The following RBFOX1 variants were observed in gnomAD, a reference collection of about 807,000 sequenced individuals.
RBFOX1 encodes the protein RNA binding protein fox-1 homolog 1.
In RBFOX1, 8 loss-of-function variants were observed where a neutral mutation model predicts 57.7. The ratio of observed to expected loss-of-function variants is 0.14; its 90% CI spans 0.08 to 0.25. The LOEUF is 0.25. Ranked by LOEUF, RBFOX1 falls within the 10% of genes least tolerant of loss-of-function variation. RBFOX1 has a pLI of 1.00. For missense variants in RBFOX1, 611 were observed against 548.5 expected, an observed-to-expected ratio of 1.11 and a Z score of -1.14; for synonymous variants, 326 against 222.4, an observed-to-expected ratio of 1.47 and a Z score of -4.15.
At position 6,954,128 on chromosome 16, in the gene RBFOX1, G is replaced by A. The variant is rs185820274; in HGVS notation, c.-15-97929G>A. Among the ~76,000 whole-genome samples, 288 of 152,250 alleles carry A rather than the reference G, an allele frequency of 1.9e-3. 2 individuals are homozygous for A. Among genetic ancestry groups the A allele is most frequent in the African/African-American group, 6.4e-3 (266 of 41,528 alleles). On this transcript the variant is annotated intron_variant, in intron 3 of 15. Transcript: ENST00000550418. The stretch of plus-strand genomic sequence containing the variant: ...TAAGGTGTCAGTCACCTTTGCAGGC[G>A]TATTGGAAGTTACAGGTTAGATCTA...
chr16:7,554,521 G>C (rs551694563), intron 5 of RBFOX1, among the ~76,000 whole-genome samples: 2 of 152,284 alleles, frequency 1.3e-5, no homozygotes, highest in South Asian at 4.1e-4. Flanking sequence ...GGAGTAAACA[G>C]ACTTAGCTTC....
intron 1 of RBFOX1, among the ~76,000 whole-genome samples, chr16:6,027,314 G>C (rs1435201748): frequency 6.6e-6 from 1 of 152,168 alleles, no homozygotes; most frequent in East Asian, 1.9e-4. Flanking sequence ...GGCAAACCGA[G>C]ATTGCAGACT....
At chr16:7,696,147 T>A (rs982393506) in intron 14 of RBFOX1, among the ~76,000 whole-genome samples, 8 of 152,202 alleles carry the variant, frequency 5.3e-5, no homozygotes, top group African/African-American at 1.9e-4. Context: ...TTGTGGTCTG[T>A]GAGACTAATT....
At chr16:6,137,794 A>G (rs1041324371) in intron 1 of RBFOX1, among the ~76,000 whole-genome samples, 2 of 151,590 alleles carry the variant, frequency 1.3e-5, no homozygotes, top group East Asian at 3.9e-4. Flanking sequence ...TTTTTTGTAG[A>G]GACAGGTTCC....
intron 3 of RBFOX1, among the ~76,000 whole-genome samples, chr16:5,798,854 G>A (rs576370330): frequency 1.2e-4 from 19 of 152,130 alleles, no homozygotes; most frequent in South Asian, 2.1e-4. Context: ...CCCCTCCAGC[G>A]TCAGCTTGGG....
intron 3 of RBFOX1, among the ~76,000 whole-genome samples, chr16:6,749,128 T>C (rs192841630): frequency 1.3e-5 from 2 of 152,320 alleles, no homozygotes; most frequent in South Asian, 2.1e-4. Context: ...GAGCAACTAC[T>C]AGGAAGGCCG....
intron 3 of RBFOX1, among the ~76,000 whole-genome samples, chr16:6,837,771 A>G (rs1302414478): frequency 6.6e-6 from 1 of 152,190 alleles, no homozygotes; most frequent in Admixed American, 6.5e-5. Flanking sequence ...AATAATTGTC[A>G]TTATTACAAT....
Position 5,338,735 on chromosome 16 carries a change from T to A in RBFOX1, c.219+98630T>A, listed in dbSNP as rs186599338. 2.0e-3 allele frequency among the ~76,000 whole-genome samples: 300 copies of A among 152,314 alleles called. 5 individuals are homozygous for A. Among genetic ancestry groups the A allele is most frequent in the African/African-American group, 6.6e-3 (276 of 41,574 alleles). ...GTGTAGTGGTGTGATCATAGTTCACTGGAGCCTCTGCCTCCTGGCCTCAGG... is the reference window on the plus strand; with the variant it reads ...GTGTAGTGGTGTGATCATAGTTCACAGGAGCCTCTGCCTCCTGGCCTCAGG... On this transcript the variant is annotated intron_variant, in intron 1 of 2. Coordinates refer to the RBFOX1 transcript ENST00000585867.
intron 1 of RBFOX1, among the ~76,000 whole-genome samples, chr16:6,198,807 C>G (rs548872903): frequency 1.5e-3 from 228 of 151,922 alleles, no homozygotes; most frequent in African/African-American, 5.2e-3. Flanking sequence ...CTAATATAAA[C>G]AAAATTATAT....
chr16:6,533,585 T>C (rs945482264), intron 2 of RBFOX1, among the ~76,000 whole-genome samples: 1 of 146,666 alleles, frequency 6.8e-6, no homozygotes, highest in African/African-American at 2.6e-5. Context: ...AGTCAAGTGA[T>C]TTTTTTTTTT....
At chr16:5,618,187 G>A (rs1478042424) in intron 3 of RBFOX1, among the ~76,000 whole-genome samples, 1 of 152,060 alleles carries the variant, frequency 6.6e-6, no homozygotes, top group East Asian at 1.9e-4. Context: ...TCTTTCCTTT[G>A]GTAAATTTTG....
At position 5,757,510 on chromosome 16, in the gene RBFOX1, A is replaced by G. The variant is rs368607452; in HGVS notation, c.319-109793A>G. ...CTCCAAAAGTGCTGGGATTACAGGC[A>G]TGAGTCACCACACCCAGCCGGGTGG... On this transcript the variant is annotated intron_variant, in intron 3 of 19. Transcript: ENST00000641259. 3.9e-5 allele frequency among the ~76,000 whole-genome samples: 6 copies of G among 152,160 alleles called. No individual in the cohort carries two copies. The East Asian group carries it at 7.8e-4, about 20-fold the overall frequency.
chr16:5,969,325 G>GAA (rs2059915153), intron 4 of RBFOX1, among the ~76,000 whole-genome samples: 1 of 120,644 alleles, frequency 8.3e-6, no homozygotes, highest in Admixed American at 9.5e-5. Flanking sequence ...TTTTTTTTTG[G>GAA]TTTGGAAATG....
intron 2 of RBFOX1, among the ~76,000 whole-genome samples, chr16:6,532,509 A>G (rs1366225256): frequency 2.0e-5 from 3 of 152,112 alleles, no homozygotes; most frequent in African/African-American, 4.8e-5. Flanking sequence ...CATTGTTTCT[A>G]TTAGGGCTGT....
chr16:5,680,567 TAGAC>T (rs2050302439), intron 3 of RBFOX1, among the ~76,000 whole-genome samples: 1 of 152,136 alleles, frequency 6.6e-6, no homozygotes, highest in South Asian at 2.1e-4. Flanking sequence ...TAGACTTCAG[TAGAC>T]AGACCTGTTG....
At chr16:5,442,530 A>C (rs1413191043) in intron 1 of RBFOX1, among the ~76,000 whole-genome samples, 3 of 152,190 alleles carry the variant, frequency 2.0e-5, no homozygotes, top group Non-Finnish European at 2.9e-5. Context: ...TAATGTCGTA[A>C]AGTGGCATGG....
chr16:7,563,952 G>A (rs571231084), intron 5 of RBFOX1, among the ~76,000 whole-genome samples: 2 of 152,234 alleles, frequency 1.3e-5, no homozygotes, highest in African/African-American at 4.8e-5. Flanking sequence ...AATATATTTT[G>A]AATGATTGGA....
chr16:6,867,871 C>G (rs2060210650), intron 3 of RBFOX1, among the ~76,000 whole-genome samples: 1 of 152,084 alleles, frequency 6.6e-6, no homozygotes, highest in African/African-American at 2.4e-5. Flanking sequence ...CCAGTTTCAA[C>G]GATGTATTAT....
At chr16:6,118,617 C>G (rs957243843) in intron 1 of RBFOX1, among the ~76,000 whole-genome samples, 9 of 151,476 alleles carry the variant, frequency 5.9e-5, no homozygotes, top group African/African-American at 2.2e-4. Flanking sequence ...CTCTCTTGCT[C>G]TCCTCCCTCC....
Sources: gnomAD v4.1 joint callset for allele counts (sites outside exome capture counted in the v4.1 genomes callset) on GRCh38, gnomAD v4.1.1 for gene constraint, MANE v1.5 for transcripts, NCBI Gene and HGNC (gene_info 2026-07-23, HGNC 2026-07-21) for gene names.